The following HPSE2 variants were observed in gnomAD, a reference collection of about 807,000 sequenced individuals.
The protein encoded by HPSE2 is heparanase 2 (inactive).
HPSE2 carries 38 observed loss-of-function variants against 60.5 expected under a neutral mutation model. The observed-to-expected ratio is 0.63, with a 90% CI of 0.48 to 0.82. HPSE2 has a LOEUF of 0.82. Among genes scored for constraint, HPSE2 ranks in the 40% least tolerant of loss-of-function variants. The pLI is 0.00. For missense variants in HPSE2, 713 were observed against 740.4 expected (o/e 0.96, Z 0.43); for synonymous variants, 295 against 293.2 (o/e 1.01, Z -0.06).
At chr10:99,230,975 C>G (rs1849625297) in intron 2 of HPSE2, among the ~76,000 whole-genome samples, 2 of 152,158 alleles carry the variant, frequency 1.3e-5, no homozygotes, top group African/African-American at 4.8e-5. Context: ...AGCATTTATG[C>G]TGAGTGACAG....
At chr10:99,204,393 G>A (rs939996103) in intron 2 of HPSE2, among the ~76,000 whole-genome samples, 1 of 152,188 alleles carries the variant, frequency 6.6e-6, no homozygotes, top group African/African-American at 2.4e-5. Flanking sequence ...TCTCTGGACT[G>A]TCTCACTGCT....
chr10:99,260,664 G>A, the HPSE2 span, among the ~76,000 whole-genome samples: 2 of 152,164 alleles, frequency 1.3e-5, no homozygotes, highest in African/African-American at 4.8e-5. Context: ...TTCCCTTGGT[G>A]TTTAATCACT....
intron 9 of HPSE2, among the ~76,000 whole-genome samples, chr10:98,551,027 G>A (rs2133852521): frequency 6.6e-6 from 1 of 152,270 alleles, no homozygotes; most frequent in Admixed American, 6.5e-5. Flanking sequence ...AAACAGTATA[G>A]CACATTTGAG....
chr10:99,103,720 C>T (rs1201669308), intron 3 of HPSE2, among the ~76,000 whole-genome samples: 1 of 152,126 alleles, frequency 6.6e-6, no homozygotes. Flanking sequence ...ATCATACTAC[C>T]TGACTTCAAA....
intron 5 of HPSE2, among the ~76,000 whole-genome samples, chr10:98,701,901 A>G (rs2134194832): frequency 6.6e-6 from 1 of 152,262 alleles, no homozygotes; most frequent in South Asian, 2.1e-4. Context: ...CTGCATCAAC[A>G]AGTGTGCAAA....
intron 9 of HPSE2, among the ~76,000 whole-genome samples, chr10:98,586,917 G>A (rs575165801): frequency 6.6e-6 from 1 of 152,146 alleles, no homozygotes; most frequent in East Asian, 1.9e-4. Flanking sequence ...TCAAACCTGA[G>A]GGTTGCCATT....
chr10:98,513,652 G>A (rs1248908509), intron 9 of HPSE2, among the ~76,000 whole-genome samples: 3 of 152,178 alleles, frequency 2.0e-5, no homozygotes, highest in Non-Finnish European at 4.4e-5. Context: ...GAACTGACAA[G>A]TTTGCTGTAA....
At chr10:98,655,230 CT>C (rs1167965911) in intron 6 of HPSE2, among the ~76,000 whole-genome samples, 86 of 141,946 alleles carry the variant, frequency 6.1e-4, no homozygotes, top group Middle Eastern at 3.6e-3. Flanking sequence ...GGAGAGTTGG[CT>C]TTTTTTTTTT....
At chr10:98,627,436 TTAAAAAA>T (rs1194122896) in intron 7 of HPSE2, among the ~76,000 whole-genome samples, 2 of 152,176 alleles carry the variant, frequency 1.3e-5, no homozygotes, top group Non-Finnish European at 2.9e-5. Flanking sequence ...TGAGAGTCTC[TTAAAAAA>T]TAAAAAATAA....
intron 3 of HPSE2, among the ~76,000 whole-genome samples, chr10:99,043,369 A>G (rs1957785823): frequency 6.6e-6 from 1 of 152,136 alleles, no homozygotes; most frequent in African/African-American, 2.4e-5. Flanking sequence ...CTGTAGTTCC[A>G]GCTACTAGGG....
chr10:99,173,250 T>C (rs183975062), intron 2 of HPSE2, among the ~76,000 whole-genome samples: 27 of 152,230 alleles, frequency 1.8e-4, no homozygotes, highest in African/African-American at 6.5e-4. Flanking sequence ...ACTGCTATGC[T>C]CTAATAGCAG....
chr10:98,938,745 A>G (rs1178422587), intron 3 of HPSE2, among the ~76,000 whole-genome samples: 1 of 143,396 alleles, frequency 7.0e-6, no homozygotes, highest in African/African-American at 2.9e-5. Context: ...CGCCACAAAG[A>G]TACTCCTCAA....
At chr10:99,085,496 A>AT (rs1343286137) in intron 3 of HPSE2, among the ~76,000 whole-genome samples, 2 of 152,096 alleles carry the variant, frequency 1.3e-5, no homozygotes, top group African/African-American at 4.8e-5. Context: ...TCACCCAAAG[A>AT]TTTTCACATC....
intron 3 of HPSE2, among the ~76,000 whole-genome samples, chr10:99,038,608 GGCTATACAAATATATTA>G (rs1957664181): frequency 6.6e-6 from 1 of 151,860 alleles, no homozygotes; most frequent in Non-Finnish European, 1.5e-5. Context: ...CTGTGGCGGT[GGCTATACAAATATATTA>G]ATATATATGA....
chr10:98,550,007 C>T (rs898282275), intron 9 of HPSE2, among the ~76,000 whole-genome samples: 1 of 152,226 alleles, frequency 6.6e-6, no homozygotes, highest in Non-Finnish European at 1.5e-5. Context: ...GGGTCATTTG[C>T]ACCTGCATTT....
chr10:98,597,322 T>G (rs1472325140), intron 9 of HPSE2, among the ~76,000 whole-genome samples: 4 of 152,072 alleles, frequency 2.6e-5, no homozygotes, highest in Admixed American at 2.0e-4. Context: ...TTTCTTTAAG[T>G]AAAATTTCTA....
intron 3 of HPSE2, among the ~76,000 whole-genome samples, chr10:99,082,765 T>G (rs1453966626): frequency 6.6e-6 from 1 of 152,200 alleles, no homozygotes; most frequent in Non-Finnish European, 1.5e-5. Flanking sequence ...ATCTTTAATT[T>G]TGCTATTATT....
At chr10:99,235,979 CTCGCTCG>C, upstream of HPSE2, 1 of 481,944 alleles carries the variant, frequency 2.1e-6, no homozygotes. Context: ...CGCTCGCTCG[CTCGCTCG>C]TTTTGTTTTT....
At chr10:98,742,707 A>G (rs532716868) in intron 4 of HPSE2, among the ~76,000 whole-genome samples, 7 of 151,778 alleles carry the variant, frequency 4.6e-5, no homozygotes, top group African/African-American at 1.7e-4. Flanking sequence ...CGATTTAGGA[A>G]ATATTTCTCC....
Sources: allele counts gnomAD v4.1 joint callset (sites outside exome capture counted in the v4.1 genomes callset), GRCh38; gene constraint gnomAD v4.1.1; transcripts MANE v1.5; gene names NCBI Gene and HGNC (gene_info 2026-07-23, HGNC 2026-07-21).